The following TXNDC12 variants were observed in gnomAD, a reference collection of about 807,000 sequenced individuals.
TXNDC12 encodes thioredoxin domain containing 12.
In TXNDC12, 22 loss-of-function variants were observed where a neutral mutation model predicts 24.2. That is an observed-to-expected ratio of 0.91 (90% CI 0.65 to 1.30). The LOEUF (loss-of-function observed/expected upper bound fraction) is 1.30, where lower values mean the gene tolerates loss of function less well. Ranked by LOEUF, TXNDC12 falls within the 50% of genes most tolerant of loss-of-function variation. The pLI is 0.00. For synonymous variants in TXNDC12, 58 were observed against 73.4 expected (o/e 0.79, Z 1.07); for missense variants, 184 against 205.8 (o/e 0.89, Z 0.65).
chr1:52,054,388 C>A (rs1032220028), intron 1 of TXNDC12, among the ~76,000 whole-genome samples: 1 of 152,108 alleles, frequency 6.6e-6, no homozygotes, highest in Non-Finnish European at 1.5e-5. Flanking sequence ...GAGTAGGGGG[C>A]CACACCTCCT....
At chr1:52,054,000 C>T (rs1686270824) in intron 1 of TXNDC12, among the ~76,000 whole-genome samples, 1 of 152,198 alleles carries the variant, frequency 6.6e-6, no homozygotes, top group African/African-American at 2.4e-5. Context: ...GGAACCTTGT[C>T]TGTCCTGTTT....
chr1:52,055,197 T>G, upstream of TXNDC12: 1 of 756,476 alleles, frequency 1.3e-6, no homozygotes, highest in Non-Finnish European at 2.3e-6. Context: ...ACAACACCTC[T>G]ACTTCCCAGA....
intron 2 of TXNDC12, 111 bp from the exon 3 acceptor site, chr1:52,028,741 C>A: frequency 1.2e-6 from 1 of 828,286 alleles, no homozygotes. Context: ...TTGGGAAAAT[C>A]TTTAGACAAA....
At chr1:52,035,644 G>A (rs1685867028) in intron 2 of TXNDC12, among the ~76,000 whole-genome samples, 2 of 152,078 alleles carry the variant, frequency 1.3e-5, no homozygotes, top group Admixed American at 1.3e-4. Flanking sequence ...CCCGGGATGC[G>A]GAGGTTGCAG....
At chr1:52,032,991 A>T (rs1213939941) in intron 2 of TXNDC12, 1 of 1,565,624 alleles carries the variant, frequency 6.4e-7, no homozygotes, top group East Asian at 2.2e-5. Flanking sequence ...GCGTAGACTG[A>T]TGGGGTGGTG....
intron 2 of TXNDC12, among the ~76,000 whole-genome samples, chr1:52,038,423 G>A (rs1266501710): frequency 6.6e-6 from 1 of 151,390 alleles, no homozygotes; most frequent in Non-Finnish European, 1.5e-5. Flanking sequence ...CGATTCTCCT[G>A]CCTCAGCCTC....
rs372674736 is a variant in TXNDC12 at position 52,041,612 on chromosome 1, C to A, written c.98-15G>T. On this transcript the variant is annotated splice_polypyrimidine_tract_variant and intron_variant, in intron 1 of 6. Transcript: ENST00000371626. ...ATCTCCAAAACCTGGAAGGAAAGAA[C>A]TTTATAAGCATTCACATAATGAACA... 39 of 1,590,038 alleles carry A rather than the reference C, an allele frequency of 2.5e-5. No individual in the cohort carries two copies. The highest frequency in any genetic ancestry group is 1.7e-4 in the Middle Eastern group (1 of 6,020).
At chr1:52,053,131 C>A (rs1282653203) in intron 1 of TXNDC12, among the ~76,000 whole-genome samples, 4 of 150,730 alleles carry the variant, frequency 2.7e-5, no homozygotes, top group Non-Finnish European at 5.9e-5. Flanking sequence ...GGCATAGTGG[C>A]ACATGCCTGT....
At chr1:52,043,630 C>CA (rs1262048760) in intron 1 of TXNDC12, among the ~76,000 whole-genome samples, 6 of 152,054 alleles carry the variant, frequency 3.9e-5, no homozygotes, top group African/African-American at 1.4e-4. Context: ...GAAATATATG[C>CA]AAAAAACTTA....
At chr1:52,045,798 T>G (rs899596532) in intron 1 of TXNDC12, among the ~76,000 whole-genome samples, 22 of 152,118 alleles carry the variant, frequency 1.4e-4, no homozygotes, top group African/African-American at 5.1e-4. Context: ...AAATAGACAT[T>G]TTTAGATAAG....
At chr1:52,041,648 TC>T (rs1685992446) in intron 1 of TXNDC12, 51 bp from the exon 2 acceptor site, 1 of 1,276,142 alleles carries the variant, frequency 7.8e-7, no homozygotes, top group Non-Finnish European at 1.1e-6. Flanking sequence ...AAGGGCACAG[TC>T]CCAAGAAGGA....
chr1:52,031,448 G>T (rs1161381400), intron 2 of TXNDC12, among the ~76,000 whole-genome samples: 1 of 151,642 alleles, frequency 6.6e-6, no homozygotes, highest in African/African-American at 2.4e-5. Context: ...ATGAGCCACC[G>T]CACCCAGCCT....
intron 4 of TXNDC12, among the ~76,000 whole-genome samples, chr1:52,025,205 C>T (rs142306392): frequency 3.9e-5 from 6 of 152,040 alleles, no homozygotes; most frequent in Non-Finnish European, 8.8e-5. Context: ...GATTAAAAAC[C>T]TACACAATCA....
intron 2 of TXNDC12, chr1:52,032,183 G>A (rs1685773737): frequency 1.0e-6 from 1 of 984,864 alleles, no homozygotes; most frequent in Non-Finnish European, 1.2e-6. Flanking sequence ...AGTTTCTCAA[G>A]GATACAAACC....
chr1:52,037,444 TC>T (rs1685904804), intron 2 of TXNDC12, among the ~76,000 whole-genome samples: 1 of 152,054 alleles, frequency 6.6e-6, no homozygotes, highest in Admixed American at 6.6e-5. Context: ...ACTCCCAACT[TC>T]AGGTGATCCC....
At chr1:52,033,539 C>A in intron 2 of TXNDC12, 1 of 1,613,976 alleles carries the variant, frequency 6.2e-7, no homozygotes, top group Non-Finnish European at 8.5e-7. Context: ...AGGATGACCA[C>A]GTCGTGGCGA....
chr1:52,031,417 T>C (rs1175595540), intron 2 of TXNDC12, among the ~76,000 whole-genome samples: 1 of 152,082 alleles, frequency 6.6e-6, no homozygotes, highest in Non-Finnish European at 1.5e-5. Flanking sequence ...CTTGGGCTCC[T>C]GAAGTGCTGG....
intron 1 of TXNDC12, among the ~76,000 whole-genome samples, chr1:52,054,527 T>C (rs1321731754): frequency 6.6e-6 from 1 of 152,232 alleles, no homozygotes; most frequent in African/African-American, 2.4e-5. Flanking sequence ...ATGCACTAGA[T>C]ACAGCTACCT....
intron 2 of TXNDC12, chr1:52,033,864 G>C (rs1194705065): frequency 4.8e-6 from 7 of 1,444,346 alleles, no homozygotes; most frequent in Non-Finnish European, 5.5e-6. Flanking sequence ...TGTCTCCCTT[G>C]ACTTTTACAG....
Sources: gnomAD v4.1 joint callset for allele counts (sites outside exome capture counted in the v4.1 genomes callset) on GRCh38, gnomAD v4.1.1 for gene constraint, MANE v1.5 for transcripts, NCBI Gene and HGNC (gene_info 2026-07-23, HGNC 2026-07-21) for gene names.